The following RANBP2 variants were observed in gnomAD, a reference collection of about 807,000 sequenced individuals.
RANBP2 encodes the protein E3 SUMO-protein ligase RanBP2.
Under a neutral mutation model 303.6 loss-of-function variants are expected in RANBP2, and 57 were observed. The observed-to-expected ratio is 0.19, with a 90% CI of 0.15 to 0.23. The LOEUF is 0.23. Among genes scored for constraint, RANBP2 ranks in the 10% least tolerant of loss-of-function variants. The pLI is 1.00. For missense variants in RANBP2, 3,138 were observed against 3,780.8 expected, an observed-to-expected ratio of 0.83 and a Z score of 4.46; for synonymous variants, 1,167 against 1,301.5, an observed-to-expected ratio of 0.90 and a Z score of 2.23.
At chr2:109,664,167 C>T in the RANBP2 span, among the ~76,000 whole-genome samples, 1 of 152,310 alleles carries the variant, frequency 6.6e-6, no homozygotes, top group African/African-American at 2.4e-5. Context: ...TGAAAAAGGT[C>T]TTTTTACTTT....
chr2:109,176,406 G>A, the RANBP2 span, among the ~76,000 whole-genome samples: 43 of 152,152 alleles, frequency 2.8e-4, no homozygotes, highest in African/African-American at 9.9e-4. Context: ...TGTGTTTTTA[G>A]GAGCCCAATA....
At chr2:109,421,877 A>G in the RANBP2 span, among the ~76,000 whole-genome samples, 1 of 152,192 alleles carries the variant, frequency 6.6e-6, no homozygotes, top group African/African-American at 2.4e-5. Context: ...TATACTGAGT[A>G]GCAGTCACAT....
the RANBP2 span, among the ~76,000 whole-genome samples, chr2:109,266,568 C>T: frequency 2.0e-5 from 3 of 152,110 alleles, no homozygotes; most frequent in South Asian, 2.1e-4. Flanking sequence ...ACACCAGGGA[C>T]GTTTTGTGCC....
chr2:109,387,574 C>G, the RANBP2 span, among the ~76,000 whole-genome samples: 2 of 152,242 alleles, frequency 1.3e-5, no homozygotes, highest in South Asian at 2.1e-4. Flanking sequence ...CCTCCCACAT[C>G]TCCTCAAGGT....
At chr2:109,431,379 G>A in the RANBP2 span, among the ~76,000 whole-genome samples, 1 of 152,192 alleles carries the variant, frequency 6.6e-6, no homozygotes, top group Non-Finnish European at 1.5e-5. Flanking sequence ...AATCTGGTAT[G>A]TTCTCTCCCT....
the RANBP2 span, among the ~76,000 whole-genome samples, chr2:108,823,802 C>T: frequency 6.6e-6 from 1 of 152,114 alleles, no homozygotes; most frequent in Non-Finnish European, 1.5e-5. Context: ...CAATGTGAAA[C>T]TCCGTTTTTA....
At chr2:109,532,518 G>A in the RANBP2 span, among the ~76,000 whole-genome samples, 2 of 152,098 alleles carry the variant, frequency 1.3e-5, no homozygotes, top group Non-Finnish European at 2.9e-5. Context: ...AAATCTCACG[G>A]GGAGCACAGC....
the RANBP2 span, chr2:109,347,785 G>C: frequency 6.2e-7 from 1 of 1,613,876 alleles, no homozygotes. Context: ...CAAGGTGGAT[G>C]AACAGTGGTA....
the RANBP2 span, among the ~76,000 whole-genome samples, chr2:109,031,273 T>C: frequency 3.9e-4 from 59 of 152,222 alleles, no homozygotes; most frequent in African/African-American, 1.4e-3. Flanking sequence ...TGGGGGCTTC[T>C]TGATGGGTGC....
chr2:109,568,045 A>C, the RANBP2 span: 1 of 1,226,424 alleles, frequency 8.2e-7, no homozygotes, highest in East Asian at 2.5e-5. Context: ...CTGTTTTTTC[A>C]CTCAAAACTG....
chr2:109,508,918 G>A, the RANBP2 span, among the ~76,000 whole-genome samples: 3 of 152,212 alleles, frequency 2.0e-5, no homozygotes, highest in East Asian at 1.9e-4. Flanking sequence ...CTACAAGCCC[G>A]GGACGGGGGG....
At chr2:109,211,683 C>T in the RANBP2 span, among the ~76,000 whole-genome samples, 1 of 147,136 alleles carries the variant, frequency 6.8e-6, no homozygotes, top group African/African-American at 2.5e-5. Context: ...CTCGCTCTGT[C>T]ACCCAGGGTG....
chr2:109,339,709 A>G, the RANBP2 span, among the ~76,000 whole-genome samples: 25 of 152,304 alleles, frequency 1.6e-4, no homozygotes, highest in Middle Eastern at 3.4e-3. Context: ...CTAAGTACCC[A>G]TTATCAGAAC....
the RANBP2 span, among the ~76,000 whole-genome samples, chr2:109,570,449 G>A: frequency 1.3e-5 from 2 of 151,510 alleles, no homozygotes; most frequent in African/African-American, 2.4e-5. Context: ...TTTTTTTAAT[G>A]ACAATACAAC....
chr2:108,915,133 A>C, the RANBP2 span, among the ~76,000 whole-genome samples: 1 of 152,102 alleles, frequency 6.6e-6, no homozygotes, highest in Non-Finnish European at 1.5e-5. Context: ...TGAACTCCTG[A>C]CCTCAAGTGA....
At chr2:109,391,227 A>G in the RANBP2 span, among the ~76,000 whole-genome samples, 1 of 152,242 alleles carries the variant, frequency 6.6e-6, no homozygotes. Flanking sequence ...CCTGCGTTTT[A>G]AACTTCAGTT....
the RANBP2 span, among the ~76,000 whole-genome samples, chr2:109,459,404 C>A: frequency 6.6e-6 from 1 of 152,152 alleles, no homozygotes; most frequent in African/African-American, 2.4e-5. Flanking sequence ...TGGGCATGGA[C>A]CCTTACCTGG....
At chr2:109,530,846 G>A in the RANBP2 span, among the ~76,000 whole-genome samples, 4 of 152,126 alleles carry the variant, frequency 2.6e-5, no homozygotes, top group African/African-American at 7.2e-5. Context: ...AGGAAGGGCC[G>A]GGCCAGGGCA....
the RANBP2 span, among the ~76,000 whole-genome samples, chr2:109,650,674 C>T: frequency 6.6e-6 from 1 of 152,124 alleles, no homozygotes; most frequent in Non-Finnish European, 1.5e-5. Flanking sequence ...CCGTGCTGTT[C>T]TTATGGTAGT....
Sources: gnomAD v4.1 joint callset for allele counts (sites outside exome capture counted in the v4.1 genomes callset) on GRCh38, gnomAD v4.1.1 for gene constraint, MANE v1.5 for transcripts, NCBI Gene and HGNC (gene_info 2026-07-23, HGNC 2026-07-21) for gene names.